RIF1: variants seen among roughly 807,000 people sequenced by gnomAD.
The protein encoded by RIF1 is telomere-associated protein RIF1.
A neutral mutation model predicts 247.1 loss-of-function variants in RIF1; 45 were observed. The ratio of observed to expected loss-of-function variants is 0.18; its 90% confidence interval spans 0.14 to 0.23. The LOEUF (loss-of-function observed/expected upper bound fraction) is 0.23, where lower values mean the gene tolerates loss of function less well. Ranked by LOEUF, RIF1 falls within the 10% of genes least tolerant of loss-of-function variation. The pLI is 1.00. For missense variants in RIF1, 2,967 were observed against 2,862.5 expected, an observed-to-expected ratio of 1.04 and a Z score of -0.83; for synonymous variants, 1,087 against 978.8, an observed-to-expected ratio of 1.11 and a Z score of -2.06.
chr2:151,493,958 TCTATTA>T (rs1376367493), intron 9 of RIF1: 8 of 968,064 alleles, frequency 8.3e-6, no homozygotes, highest in Admixed American at 8.0e-5. Context: ...TTATGTTTAA[TCTATTA>T]CTATTAGTGA....
At position 151,428,215 on chromosome 2, in the gene RIF1, C is replaced by T. The variant is rs117095778; in HGVS notation, c.787-569C>T. 2.3e-3 allele frequency among the ~76,000 whole-genome samples: 352 copies of T among 152,156 alleles called. 9 individuals are homozygous for T. In the East Asian group the frequency reaches 0.045, roughly 20 times the overall value. ...CTGCACTGTAGCCTGGGCGACAGAG[C>T]GAGATTCCCTCTCAAAAAAAAGAAA... On this transcript the variant is annotated intron_variant, in intron 8 of 35. Coordinates refer to ENST00000444746, the MANE Select transcript of RIF1 (RefSeq NM_018151.5).
At chr2:151,498,070 T>C (rs1405487398) in intron 10 of RIF1, 3 of 1,459,716 alleles carry the variant, frequency 2.1e-6, no homozygotes, top group Admixed American at 2.6e-5. Context: ...ACATGTTTGT[T>C]TGTAAATATC....
chr2:151,461,069 A>C (rs1238094950), intron 26 of RIF1, 69 bp from the exon 27 acceptor site: 1 of 1,371,820 alleles, frequency 7.3e-7, no homozygotes, highest in East Asian at 2.3e-5. Flanking sequence ...ATTAGAGGAG[A>C]GTGATAGAAA....
rs148795978 is a variant in RIF1 at position 151,465,325 on chromosome 2, T to C, written c.5805T>C (p.Thr1935=). The stretch of plus-strand genomic sequence containing the variant: ...TTCATGGACAAGAGAGAACCAAAAC[T>C]GGTATTTCTGAAGAAGCAGCAATAG... ...ASFHGQERTK[T]GISEEAAIEE... is the part of the protein sequence containing the mutation. Residue 1935 remains threonine (T), a synonymous_variant, in exon 30 of 36, where the codon ACT becomes ACC. Transcript: ENST00000444746. The C allele has an allele frequency of 1.2e-6, 2 of 1,613,722 alleles. No homozygotes were observed. The highest frequency in any genetic ancestry group is 1.7e-6 in the Non-Finnish European group (2 of 1,179,988).
exon 14 of RIF1, chr2:151,507,801 T>A: frequency 1.9e-6 from 1 of 538,028 alleles, no homozygotes; most frequent in South Asian, 3.0e-5. Context: ...ACCAACGAAG[T>A]AACAGATGAG....
intron 14 of RIF1, among the ~76,000 whole-genome samples, chr2:151,439,085 C>A (rs1267704459): frequency 6.6e-6 from 1 of 152,006 alleles, no homozygotes. Context: ...TGTTCATTAA[C>A]AATATTAGTA....
At chr2:151,450,499 T>C (rs143128591) in intron 20 of RIF1, among the ~76,000 whole-genome samples, 1 of 152,318 alleles carries the variant, frequency 6.6e-6, no homozygotes, top group Admixed American at 6.5e-5. Context: ...TTACTGCCTT[T>C]TTCTTAAATT....
rs148135251 is a variant in RIF1 at position 151,432,100 on chromosome 2, C to T, written c.926-977C>T. ...CTCAGCTCACTGCAACCTCTGCCTC[C>T]TGGGTCCAAGCGAGTCTCCTGCCTT... On this transcript the variant is annotated intron_variant, in intron 9 of 35. Coordinates refer to ENST00000444746, the MANE Select transcript of RIF1 (RefSeq NM_018151.5). Among the ~76,000 whole-genome samples the T allele has an allele frequency of 2.3e-3, 349 of 152,192 alleles. 9 individuals are homozygous for T. In the East Asian group the frequency reaches 0.046, roughly 20 times the overall value.
downstream of RIF1, among the ~76,000 whole-genome samples, chr2:151,511,069 G>A (rs1181614210): frequency 6.6e-6 from 1 of 152,220 alleles, no homozygotes; most frequent in Non-Finnish European, 1.5e-5. Context: ...CAGGAGAGCA[G>A]AGCAAGTGAC....
chr2:151,474,416 C>G (rs1184962258), intron 35 of RIF1, among the ~76,000 whole-genome samples: 1 of 152,174 alleles, frequency 6.6e-6, no homozygotes, highest in Non-Finnish European at 1.5e-5. Flanking sequence ...TGGTGGCTCA[C>G]GCCTGTAATC....
chr2:151,521,776 T>C, the RIF1 span, among the ~76,000 whole-genome samples: 1 of 152,242 alleles, frequency 6.6e-6, no homozygotes, highest in East Asian at 1.9e-4. Context: ...AAAAAAGTTA[T>C]GGCTCCCTTC....
At position 151,443,595 on chromosome 2, in the gene RIF1, C is replaced by G. The variant is rs764590815; in HGVS notation, c.1872C>G (p.Phe624Leu). Residue 624 changes from phenylalanine to leucine, a missense_variant, in exon 18 of 36, where the codon TTC becomes TTG. Phe to Leu is a conservative substitution (Grantham distance 22). This residue lies in a region of RIF1 where 369 missense variants were observed against 322.0 expected (regional missense o/e 1.15). Coordinates refer to ENST00000444746, the MANE Select transcript of RIF1 (RefSeq NM_018151.5). The stretch of plus-strand genomic sequence containing the variant: ...CTGGTCCAACTTCACCACTAGCTTT[C>G]AGTGACTCAGTTTTAAATGTTATTA... ...VLSGPTSPLA[F>L]SDSVLNVINQ... The G allele has an allele frequency of 8.1e-6, 13 of 1,612,290 alleles. No homozygotes were observed. Among genetic ancestry groups the G allele is most frequent in the Non-Finnish European group, 1.1e-5 (13 of 1,179,404 alleles).
intron 9 of RIF1, among the ~76,000 whole-genome samples, chr2:151,488,291 G>C (rs2152716614): frequency 6.6e-6 from 1 of 152,072 alleles, no homozygotes; most frequent in Non-Finnish European, 1.5e-5. Flanking sequence ...TGATCAAATT[G>C]GCCAGACTTT....
intron 34 of RIF1, 102 bp downstream of exon 34, chr2:151,469,966 T>G: frequency 1.3e-6 from 1 of 794,754 alleles, no homozygotes; most frequent in Non-Finnish European, 1.9e-6. Flanking sequence ...ACAGGGAAAT[T>G]GATTCATTTA....
intron 6 of RIF1, 117 bp downstream of exon 6, chr2:151,417,018 C>A: frequency 1.4e-6 from 1 of 696,676 alleles, no homozygotes; most frequent in Non-Finnish European, 2.4e-6. Flanking sequence ...GTCATTTACA[C>A]CAAACGACTC....
chr2:151,511,990 AT>A (rs1372581624), downstream of RIF1, among the ~76,000 whole-genome samples: 2 of 148,446 alleles, frequency 1.3e-5, no homozygotes, highest in Non-Finnish European at 3.0e-5. Context: ...CTACCTTAAA[AT>A]TCCTGCATCA....
At position 151,505,538 on chromosome 2, in the gene RIF1, A is replaced by C; in HGVS notation, c.*862-672A>C. ...TCACTTCAGGCAGGTCAGGGATTGG[A>C]GTTCCTTGTCCTATTGCTTCCTTAT... On this transcript the variant is annotated intron_variant and NMD_transcript_variant, in intron 12 of 13. Transcript: ENST00000454583. 6 of 1,613,800 alleles carry C rather than the reference A, an allele frequency of 3.7e-6. No homozygotes were observed. The highest frequency in any genetic ancestry group is 5.1e-6 in the Non-Finnish European group (6 of 1,179,746).
rs757154008 is a variant in RIF1, at chr2:151,458,815, G to A, written c.2860G>A (p.Val954Ile). 2 of 1,601,862 alleles carry A rather than the reference G, an allele frequency of 1.2e-6. No individual in the cohort carries two copies. Among genetic ancestry groups the A allele is most frequent in the Admixed American group, 3.4e-5 (2 of 59,500 alleles). The change falls in exon 25 of 36, where the codon GTA becomes ATA. Residue 954 changes from valine (V) to isoleucine (I), a missense_variant. Physicochemically the swap from Val to Ile is conservative, Grantham distance 29. This residue lies in a region of RIF1 where 2,028 missense variants were observed against 1,825.6 expected (regional missense o/e 1.11). Transcript: ENST00000444746. ...MLVYPEELKP[V>I]LTQAKQKFLL... Reference sequence around the variant, plus strand: ...ATTTTATGTACTTTTTTAAAGACCAGTACTAACACAAGCCAAACAAAAATT... The same window carrying A: ...ATTTTATGTACTTTTTTAAAGACCAATACTAACACAAGCCAAACAAAAATT...
At chr2:151,437,416 C>T in intron 13 of RIF1, 65 bp downstream of exon 13, 1 of 1,176,208 alleles carries the variant, frequency 8.5e-7, no homozygotes, top group East Asian at 2.4e-5. Context: ...ATAGGCCAGT[C>T]ACAGTACCTC....
Sources: allele counts gnomAD v4.1 joint callset (sites outside exome capture counted in the v4.1 genomes callset), GRCh38; gene constraint gnomAD v4.1.1; regional missense constraint gnomAD v4.1.1; transcripts MANE v1.5; gene names NCBI Gene and HGNC (gene_info 2026-07-23, HGNC 2026-07-21).